Variants in CHL1 observed in about 807,000 individuals in gnomAD.
The protein encoded by CHL1 is cell adhesion molecule L1 like.
Under a neutral mutation model 141.9 loss-of-function variants are expected in CHL1, and 96 were observed. The ratio of observed to expected loss-of-function variants is 0.68; its 90% confidence interval spans 0.57 to 0.80. The LOEUF (loss-of-function observed/expected upper bound fraction) is 0.80. Ranked by LOEUF, CHL1 falls within the 30% of genes least tolerant of loss-of-function variation. The pLI, the probability that CHL1 is intolerant of heterozygous loss-of-function variation, is 0.00. For missense variants in CHL1, 1,820 were observed against 1,457.2 expected (o/e 1.25, Z -4.05); for synonymous variants, 613 against 502.2 (o/e 1.22, Z -2.95).
chr3:202,120 A>G (rs549253413), intron 1 of CHL1, among the ~76,000 whole-genome samples: 21 of 152,176 alleles, frequency 1.4e-4, no homozygotes, highest in African/African-American at 4.8e-4. Flanking sequence ...AGTCATGTTG[A>G]CCTCTCTAAG....
chr3:336,376 T>C (rs1701864064), intron 5 of CHL1, among the ~76,000 whole-genome samples: 1 of 152,204 alleles, frequency 6.6e-6, no homozygotes, highest in African/African-American at 2.4e-5. Flanking sequence ...GGTTTTTGTT[T>C]TTTTCATCAC....
intron 2 of CHL1, among the ~76,000 whole-genome samples, chr3:317,642 C>A (rs1700242161): frequency 1.4e-5 from 2 of 143,274 alleles, no homozygotes. Flanking sequence ...TGACTATTAC[C>A]AAACTGTTTC....
chr3:364,452 G>A (rs1041138467), intron 14 of CHL1, among the ~76,000 whole-genome samples: 1 of 152,170 alleles, frequency 6.6e-6, no homozygotes, highest in African/African-American at 2.4e-5. Context: ...TGTAAGGAGC[G>A]TGAAGCCTCG....
At position 319,767 on chromosome 3, in the gene CHL1, C is replaced by T. The variant is rs1700415937; in HGVS notation, c.-10C>T. 2 of 1,584,742 alleles carry T rather than the reference C, an allele frequency of 1.3e-6. No individual in the cohort carries two copies. Among genetic ancestry groups the T allele is most frequent in the African/African-American group, 1.4e-5 (1 of 73,776 alleles). Reference sequence around the variant, plus strand: ...TCATTCTTACCGGGTTGTCTTCTTCCTGAAGAGCAATGGAGCCGCTTTTAC... The same window carrying T: ...TCATTCTTACCGGGTTGTCTTCTTCTTGAAGAGCAATGGAGCCGCTTTTAC... On this transcript the variant is annotated 5_prime_UTR_variant, in exon 3 of 28. Transcript: ENST00000256509.
chr3:291,619 T>A (rs549260058), intron 2 of CHL1, among the ~76,000 whole-genome samples: 1 of 152,282 alleles, frequency 6.6e-6, no homozygotes, highest in Non-Finnish European at 1.5e-5. Context: ...TAATAAATTT[T>A]CCTATACATT....
chr3:351,826 G>A (rs1004779037), intron 10 of CHL1, among the ~76,000 whole-genome samples: 5 of 152,100 alleles, frequency 3.3e-5, no homozygotes, highest in Non-Finnish European at 7.4e-5. Context: ...CCTATAATAT[G>A]TATGAGCAAA....
At chr3:238,024 C>G (rs991830356) in intron 1 of CHL1, among the ~76,000 whole-genome samples, 5 of 152,120 alleles carry the variant, frequency 3.3e-5, no homozygotes, top group Non-Finnish European at 7.4e-5. Flanking sequence ...CTAGTTCTTA[C>G]TTTATTGTAC....
At chr3:339,239 A>G (rs1702173780) in intron 5 of CHL1, among the ~76,000 whole-genome samples, 1 of 152,012 alleles carries the variant, frequency 6.6e-6, no homozygotes, top group African/African-American at 2.4e-5. Flanking sequence ...GTATATTACT[A>G]TGCCTTATGT....
intron 9 of CHL1, 36 bp downstream of exon 9, chr3:344,745 T>C (rs745426519): frequency 1.2e-6 from 2 of 1,604,194 alleles, no homozygotes; most frequent in South Asian, 1.1e-5. Flanking sequence ...ACTTTGTCCA[T>C]CCAGTTCTGT....
chr3:337,430 A>C (rs1701977238), intron 5 of CHL1, among the ~76,000 whole-genome samples: 1 of 151,924 alleles, frequency 6.6e-6, no homozygotes, highest in Non-Finnish European at 1.5e-5. Context: ...GGTTAGTTAC[A>C]TATGTATACG....
intron 5 of CHL1, among the ~76,000 whole-genome samples, chr3:328,779 T>A (rs959099650): frequency 6.6e-6 from 1 of 152,126 alleles, no homozygotes; most frequent in Non-Finnish European, 1.5e-5. Flanking sequence ...AATGGAGACA[T>A]CGTCATTCTG....
chr3:202,794 C>T lies in CHL1; in HGVS notation c.-175+5731C>T, dbSNP rs1441923993. Among the ~76,000 whole-genome samples the T allele has an allele frequency of 3.3e-5, 5 of 152,216 alleles. No homozygotes were observed. In the East Asian group the frequency reaches 7.7e-4, roughly 23 times the overall value. ...CTTGGTTTAAATAGCACTTTATTCT[C>T]TGAAGATCTCAAATGTGCTTTTCAT... On this transcript the variant is annotated intron_variant, in intron 1 of 27. Transcript: ENST00000256509.
At chr3:215,791 A>T (rs373004649) in intron 1 of CHL1, among the ~76,000 whole-genome samples, 4 of 152,284 alleles carry the variant, frequency 2.6e-5, no homozygotes, top group South Asian at 2.1e-4. Context: ...GCATTGAAGC[A>T]TCTCTTTCAA....
chr3:355,396 G>C (rs1266513051), intron 11 of CHL1, among the ~76,000 whole-genome samples: 2 of 152,214 alleles, frequency 1.3e-5, no homozygotes, highest in African/African-American at 4.8e-5. Flanking sequence ...GGAAAGACAG[G>C]AATGGCCCAG....
chr3:296,210 A>G (rs981462512), intron 2 of CHL1, among the ~76,000 whole-genome samples: 1 of 152,134 alleles, frequency 6.6e-6, no homozygotes, highest in Non-Finnish European at 1.5e-5. Context: ...TACATTGGTG[A>G]TTATTCCTGG....
intron 15 of CHL1, among the ~76,000 whole-genome samples, chr3:369,536 C>G (rs1705352736): frequency 6.6e-6 from 1 of 152,198 alleles, no homozygotes; most frequent in Non-Finnish European, 1.5e-5. Context: ...AAAATCATGT[C>G]ATCTGCAAAC....
chr3:320,560 G>A (rs1049400177), intron 3 of CHL1, among the ~76,000 whole-genome samples: 4 of 152,018 alleles, frequency 2.6e-5, no homozygotes, highest in Non-Finnish European at 5.9e-5. Flanking sequence ...GGTGACACAT[G>A]ACTGTAGTCC....
At chr3:200,681 G>A (rs1698843437) in intron 1 of CHL1, among the ~76,000 whole-genome samples, 2 of 152,082 alleles carry the variant, frequency 1.3e-5, no homozygotes, top group African/African-American at 2.4e-5. Context: ...TACATTATTC[G>A]CTATCATTTT....
chr3:263,357 T>G (rs921724598), intron 2 of CHL1, among the ~76,000 whole-genome samples: 5 of 152,206 alleles, frequency 3.3e-5, no homozygotes, highest in Non-Finnish European at 7.3e-5. Flanking sequence ...CCAAAGTGCT[T>G]GCTGAACATT....
Sources: gnomAD v4.1 joint callset for allele counts (sites outside exome capture counted in the v4.1 genomes callset) on GRCh38, gnomAD v4.1.1 for gene constraint, MANE v1.5 for transcripts, NCBI Gene and HGNC (gene_info 2026-07-23, HGNC 2026-07-21) for gene names.